EPHB3: variants seen among roughly 807,000 people sequenced by gnomAD.
EPHB3 encodes EPH receptor B3.
EPHB3 carries 33 observed loss-of-function variants against 100.2 expected under a neutral mutation model. The observed-to-expected ratio is 0.33, with a 90% CI of 0.25 to 0.44. The LOEUF (loss-of-function observed/expected upper bound fraction) is 0.44. EPHB3 is among the 20% of genes least tolerant of loss of function. EPHB3 has a pLI of 1.00. For missense variants in EPHB3, 1,045 were observed against 1,378.3 expected, an observed-to-expected ratio of 0.76 and a Z score of 3.83; for synonymous variants, 526 against 554.7, an observed-to-expected ratio of 0.95 and a Z score of 0.73.
chr3:184,564,558 GT>G (rs1714337484), intron 1 of EPHB3, among the ~76,000 whole-genome samples: 1 of 152,214 alleles, frequency 6.6e-6, no homozygotes, highest in Non-Finnish European at 1.5e-5. Context: ...TATTATTATT[GT>G]TACCCTAGGG....
intron 4 of EPHB3, 101 bp downstream of exon 4, chr3:184,576,086 G>C: frequency 7.0e-7 from 1 of 1,436,770 alleles, no homozygotes; most frequent in East Asian, 2.6e-5. Flanking sequence ...CATTTTCCAG[G>C]GAAGGAGCTG....
Position 184,562,309 on chromosome 3 carries a change from TGCTGCC to T in EPHB3, c.80_85del (p.Pro27_Leu28del). On this transcript the variant is annotated inframe_deletion, in exon 1 of 16. Coordinates refer to ENST00000330394, the MANE Select transcript of EPHB3 (RefSeq NM_004443.4). This position sits in a 1 kb window ranked among gnomAD's most constrained non-coding sequence, Gnocchi z 4.8. ...CTGCCGCTGCTCCCTCCGCTGCTGC[TGCTGCC>T]GCTGCTGCTGCTGCCCGCCGGCTGC... The T allele has an allele frequency of 8.0e-7, 1 of 1,250,460 alleles. No homozygotes were observed. Among genetic ancestry groups the T allele is most frequent in the Non-Finnish European group, 1.0e-6 (1 of 998,302 alleles). 77.5% of individuals were successfully genotyped at this position (1,250,460 alleles called of 1,614,324 possible).
In EPHB3 at chr3:184,580,896, A is replaced by C. The variant is rs755071121; in HGVS notation, c.2538+18A>C. On this transcript the variant is annotated intron_variant, in intron 13 of 15. Coordinates refer to ENST00000330394, the MANE Select transcript of EPHB3 (RefSeq NM_004443.4). ...ACCAGGATGTGAGTGAGGCTACGCC[A>C]GAGTGGTTGGGTAGGTGGGTGCTGG... 1 of 1,610,258 alleles carries C rather than the reference A, an allele frequency of 6.2e-7. No individual in the cohort carries two copies. Among genetic ancestry groups the C allele is most frequent in the Admixed American group, 1.7e-5 (1 of 59,958 alleles).
chr3:184,574,230 C>G (rs1353396961), intron 3 of EPHB3, among the ~76,000 whole-genome samples: 1 of 152,162 alleles, frequency 6.6e-6, no homozygotes, highest in Non-Finnish European at 1.5e-5. Context: ...CTGTTCTGCC[C>G]TTATTGTATA....
In EPHB3 at chr3:184,579,755, A is replaced by G; in HGVS notation, c.1993A>G (p.Lys665Glu). 1 of 1,612,928 alleles carries G rather than the reference A, an allele frequency of 6.2e-7. No individual in the cohort carries two copies. ...PGRREVFVAI[K>E]TLKVGYTERQ... ...CCGCCGAGAGGTGTTTGTGGCCATC[A>G]AGACGCTGAAGGTGGGCTACACCGA... Residue 665 changes from lysine to glutamate, a missense_variant, in exon 11 of 16, where the codon AAG becomes GAG. This residue lies in a region of EPHB3 where 985 missense variants were observed against 1,331.1 expected (regional missense o/e 0.74). Coordinates refer to ENST00000330394, the MANE Select transcript of EPHB3 (RefSeq NM_004443.4). The surrounding 1 kb of genome is among the most constrained non-coding windows in gnomAD (Gnocchi z 5.2).
chr3:184,576,744 A>T, intron 4 of EPHB3, 98 bp from the exon 5 acceptor site: 1 of 1,242,222 alleles, frequency 8.1e-7, no homozygotes. Flanking sequence ...AGGCAAGGCA[A>T]GGAGGTAGAA....
rs752689506 is a variant in EPHB3 at position 184,571,287 on chromosome 3, T to C, written c.119-31T>C. 3 of 1,612,734 alleles carry C rather than the reference T, an allele frequency of 1.9e-6. No homozygotes were observed. The East Asian group carries it at 6.7e-5, about 36-fold the overall frequency. ...TTCTGTCTCCTCAACCTGAGATTAGTCCCTGACCTTTTTCTCCGTTGTTCC... is the reference window on the plus strand; with the variant it reads ...TTCTGTCTCCTCAACCTGAGATTAGCCCCTGACCTTTTTCTCCGTTGTTCC... On this transcript the variant is annotated intron_variant, in intron 1 of 15. Transcript: ENST00000330394. This position sits in a 1 kb window ranked among gnomAD's most constrained non-coding sequence, Gnocchi z 5.0.
chr3:184,576,447 G>A (rs901995191), intron 4 of EPHB3, among the ~76,000 whole-genome samples: 6 of 152,336 alleles, frequency 3.9e-5, no homozygotes, highest in Admixed American at 2.6e-4. Context: ...GCCGGGCATT[G>A]TGCTGGGTAT....
rs1714690654 is a variant in EPHB3, at chr3:184,576,950, A to G, written c.1121A>G (p.Asn374Ser). The change falls in exon 5 of 16, where the codon AAT becomes AGT. Residue 374 changes from asparagine (N) to serine (S), a missense_variant. Transcript: ENST00000330394. ...GGTGGCCGGGATGACCTCCTGTACA[A>G]TGTCATCTGCAAGAAGTGCCATGGG... ...DLGGRDDLLYNVICKKCHGAG... is the reference protein window; with the variant it reads ...DLGGRDDLLYSVICKKCHGAG... 3.7e-6 allele frequency: 6 copies of G among 1,611,946 alleles called. No homozygotes were observed. The highest frequency in any genetic ancestry group is 4.2e-6 in the Non-Finnish European group (5 of 1,178,662).
At position 184,575,968 on chromosome 3, in the gene EPHB3, C is replaced by T. The variant is rs767547020; in HGVS notation, c.995C>T (p.Ala332Val). 1.2e-5 allele frequency: 19 copies of T among 1,612,414 alleles called. No homozygotes were observed. The highest frequency in any genetic ancestry group is 2.2e-5 in the South Asian group (2 of 90,892). Reference protein sequence around the residue: ...NNFYRADSDSADSACTTVPSP... With the variant: ...NNFYRADSDSVDSACTTVPSP... ...TTCTACCGTGCAGACTCGGACTCTGCGGACAGTGCCTGTACCAGTGAGTGA... is the reference window on the plus strand; with the variant it reads ...TTCTACCGTGCAGACTCGGACTCTGTGGACAGTGCCTGTACCAGTGAGTGA... The change falls in exon 4 of 16, where the codon GCG (alanine) becomes GTG (valine). Residue 332 changes from alanine to valine, a missense_variant. Ala to Val is a moderately conservative substitution (Grantham distance 64, BLOSUM62 0). Around this residue, in one of 2 missense-constraint regions of EPHB3, gnomAD observed 985 missense variants for 1,331.1 expected, o/e 0.74. Coordinates refer to ENST00000330394, the MANE Select transcript of EPHB3 (RefSeq NM_004443.4).
chr3:184,561,840 C>G lies in EPHB3; in HGVS notation c.-396C>G, dbSNP rs1490207220. The G allele has an allele frequency of 6.6e-6, 1 of 152,620 alleles. No individual in the cohort carries two copies. Among genetic ancestry groups the G allele is most frequent in the Non-Finnish European group, 1.5e-5 (1 of 68,502 alleles). 9.5% of individuals were successfully genotyped at this position (152,620 alleles called of 1,614,324 possible). On this transcript the variant is annotated 5_prime_UTR_variant, in exon 1 of 16. Coordinates refer to ENST00000330394, the MANE Select transcript of EPHB3 (RefSeq NM_004443.4). ...AGATCCCAGCTCGGACCCCGGACGG[C>G]GCGCGCCCCCGAAGCCCCGGATCCC...
rs952105715 is a variant in EPHB3, at chr3:184,562,630, C to T, written c.118+277C>T. ...GAGTCCTGGCCCTGCTGTGAGCTTT[C>T]GCGGGAGTCCCCCACACTCACGGCA... is the stretch of plus-strand genomic sequence containing the variant. On this transcript the variant is annotated intron_variant, in intron 1 of 15. Coordinates refer to ENST00000330394, the MANE Select transcript of EPHB3 (RefSeq NM_004443.4). This position sits in a 1 kb window ranked among gnomAD's most constrained non-coding sequence, Gnocchi z 4.8. Among the ~76,000 whole-genome samples, 1 of 152,072 alleles carries T rather than the reference C, an allele frequency of 6.6e-6. No homozygotes were observed. The highest frequency in any genetic ancestry group is 1.5e-5 in the Non-Finnish European group (1 of 68,018).
chr3:184,578,414 G>A lies in EPHB3; in HGVS notation c.1749G>A (p.Arg583=), dbSNP rs1323368521. The change falls in exon 9 of 16, where the codon AGG becomes AGA. Residue 583 remains arginine (R), a splice_region_variant and synonymous_variant. Transcript: ENST00000330394. The surrounding 1 kb of genome is among the most constrained non-coding windows in gnomAD (Gnocchi z 4.7). ...AVVVIAIVCL[R]KQRHGSDSEY... ...TGCCCTCCACCCTGCCACCCTACAG[G>A]AAGCAGCGACACGGCTCTGATTCGG... 1 of 1,613,792 alleles carries A rather than the reference G, an allele frequency of 6.2e-7. No homozygotes were observed. The highest frequency in any genetic ancestry group is 8.5e-7 in the Non-Finnish European group (1 of 1,179,988).
intron 1 of EPHB3, among the ~76,000 whole-genome samples, chr3:184,567,976 C>T (rs1714435372): frequency 6.6e-6 from 1 of 152,158 alleles, no homozygotes; most frequent in Admixed American, 6.5e-5. Context: ...GAAAGACAGA[C>T]CATGGCTCTG....
Position 184,578,014 on chromosome 3 carries a change from C to T in EPHB3, c.1748+8C>T, listed in dbSNP as rs1435533561. The T allele has an allele frequency of 2.5e-6, 4 of 1,613,610 alleles. No homozygotes were observed. The highest frequency in any genetic ancestry group is 2.7e-5 in the African/African-American group (2 of 75,014). ...CGCTATCGTCTGCCTCAGGTACTCC[C>T]AGGCCCACTGTTGCTCCATGGGCCG... On this transcript the variant is annotated splice_region_variant and intron_variant, in intron 8 of 15. Coordinates refer to ENST00000330394, the MANE Select transcript of EPHB3 (RefSeq NM_004443.4). This position sits in a 1 kb window ranked among gnomAD's most constrained non-coding sequence, Gnocchi z 4.7.
chr3:184,575,103 C>T, intron 3 of EPHB3: 1 of 973,158 alleles, frequency 1.0e-6, no homozygotes, highest in Non-Finnish European at 1.2e-6. Context: ...GATAAGGCTA[C>T]CATCAATCCA....
Position 184,581,699 on chromosome 3 carries a change from T to C in EPHB3, c.*77T>C. On this transcript the variant is annotated 3_prime_UTR_variant, in exon 16 of 16. Coordinates refer to ENST00000330394, the MANE Select transcript of EPHB3 (RefSeq NM_004443.4). The stretch of plus-strand genomic sequence containing the variant: ...GCTGGACTTTCGGACTCTTGGACTT[T>C]TGGATGCCTGGCCTTAGGCTGTGGC... 7.3e-7 allele frequency: 1 copy of C among 1,372,124 alleles called. No homozygotes were observed. Among genetic ancestry groups the C allele is most frequent in the Non-Finnish European group, 9.8e-7 (1 of 1,022,606 alleles). 85.0% of individuals were successfully genotyped at this position (1,372,124 alleles called of 1,614,324 possible).
chr3:184,569,962 C>T lies in EPHB3; in HGVS notation c.119-1356C>T, dbSNP rs1714499575. 6.6e-6 allele frequency among the ~76,000 whole-genome samples: 1 copy of T among 152,238 alleles called. No homozygotes were observed. Among genetic ancestry groups the T allele is most frequent in the African/African-American group, 2.4e-5 (1 of 41,460 alleles). On this transcript the variant is annotated intron_variant, in intron 1 of 15. Transcript: ENST00000330394. The surrounding 1 kb of genome is among the most constrained non-coding windows in gnomAD (Gnocchi z 5.4). ...GGCACCTCTTTCCTTCCTTTCCTGA[C>T]CCAGGTCTAATCTGGGGGTCACACT...
rs1004257477 is a variant in EPHB3 at position 184,582,089 on chromosome 3, G to T, written c.*467G>T. Reference sequence around the variant, plus strand: ...GGAAATGTGACACCACCATCCTGAAGCCAGCTTGCACCTCCAGTTTGCACA... The same window carrying T: ...GGAAATGTGACACCACCATCCTGAATCCAGCTTGCACCTCCAGTTTGCACA... On this transcript the variant is annotated 3_prime_UTR_variant, in exon 16 of 16. Transcript: ENST00000330394. 1 of 156,420 alleles carries T rather than the reference G, an allele frequency of 6.4e-6. No homozygotes were observed. Among genetic ancestry groups the T allele is most frequent in the Admixed American group, 6.3e-5 (1 of 15,798 alleles). The allele number at this position is 156,420 out of a possible 1,614,324, so 9.7% of individuals were successfully genotyped here. A position where few individuals can be genotyped will look rare whatever the true frequency, so the allele number is the denominator to read the frequency against.
Sources: gnomAD v4.1 joint callset for allele counts (sites outside exome capture counted in the v4.1 genomes callset) on GRCh38, gnomAD v4.1.1 for gene constraint, gnomAD v4.1.1 regional missense constraint, Gnocchi (gnomAD v3.1) non-coding constraint, MANE v1.5 for transcripts, NCBI Gene and HGNC (gene_info 2026-07-23, HGNC 2026-07-21) for gene names.